The following DNMBP variants were observed in gnomAD, a reference collection of about 807,000 sequenced individuals.
DNMBP encodes dynamin-binding protein.
DNMBP carries 87 observed loss-of-function variants against 150.0 expected under a neutral mutation model. That is an observed-to-expected ratio of 0.58 (90% CI 0.49 to 0.69). DNMBP has a LOEUF of 0.69. Ranked by LOEUF, DNMBP falls within the 30% of genes least tolerant of loss-of-function variation. The pLI, the probability that DNMBP is intolerant of heterozygous loss-of-function variation, is 0.00. For missense variants in DNMBP, 1,774 were observed against 1,949.0 expected (o/e 0.91, Z 1.69); for synonymous variants, 711 against 750.4 (o/e 0.95, Z 0.86).
chr10:99,958,959 T>A (rs1030869577), intron 3 of DNMBP, among the ~76,000 whole-genome samples: 56 of 152,258 alleles, frequency 3.7e-4, no homozygotes, highest in African/African-American at 1.4e-3. Flanking sequence ...TGCAATTATT[T>A]GAAAAGACTA....
At chr10:99,916,562 G>A (rs1249869631) in intron 4 of DNMBP, among the ~76,000 whole-genome samples, 1 of 152,132 alleles carries the variant, frequency 6.6e-6, no homozygotes. Flanking sequence ...TGAAGGGAAA[G>A]GCCAATTTTA....
chr10:99,907,862 A>G, intron 6 of DNMBP, 133 bp downstream of exon 6: 1 of 634,954 alleles, frequency 1.6e-6, no homozygotes, highest in Non-Finnish European at 2.8e-6. Flanking sequence ...GCAGAGGACA[A>G]GTAACCTCTG....
intron 2 of DNMBP, 67 bp downstream of exon 2, chr10:99,971,913 T>C (rs2040681595): frequency 2.1e-6 from 3 of 1,462,220 alleles, no homozygotes; most frequent in South Asian, 2.5e-5. Context: ...TGGAGTGCAG[T>C]GCCAGCCTTT....
At chr10:99,902,303 C>CTTTTTTTTTTT (rs34120125) in intron 6 of DNMBP, among the ~76,000 whole-genome samples, 3 of 82,774 alleles carry the variant, frequency 3.6e-5, no homozygotes, top group Non-Finnish European at 6.9e-5. Context: ...AGCCTCCCTT[C>CTTTTTTTTTTT]TTTTTTTTTT....
In DNMBP at chr10:99,956,141, C is replaced by T. The variant is rs1308846092; in HGVS notation, c.1333G>A (p.Asp445Asn). 5 of 1,614,092 alleles carry T rather than the reference C, an allele frequency of 3.1e-6. No individual in the cohort carries two copies. The highest frequency in any genetic ancestry group is 4.2e-6 in the Non-Finnish European group (5 of 1,180,016). Residue 445 changes from aspartate (D) to asparagine (N), a missense_variant, in exon 4 of 17, where the codon GAC becomes AAC. Physicochemically the swap from Asp to Asn is conservative, Grantham distance 23. Coordinates refer to ENST00000324109, the MANE Select transcript of DNMBP (RefSeq NM_015221.4). ...GTCCTTGCTTCTAGGGGAAGAAGGT[C>T]GGGGTACTGTTCTGAGTGCGGGTGG... ...GSHPHSEQYP[D>N]LLPLEARTRD...
Position 99,879,802 on chromosome 10 carries a change from C to T in DNMBP, c.4548+9G>A, listed in dbSNP as rs557570390. On this transcript the variant is annotated intron_variant, in intron 16 of 16. Coordinates refer to ENST00000324109, the MANE Select transcript of DNMBP (RefSeq NM_015221.4). ...CTGTGCCACAGTGGCAGGCCTCTTA[C>T]GCACTCACCTGGTTGCCTTCTGCCT... The T allele has an allele frequency of 7.7e-5, 125 of 1,613,122 alleles. No homozygotes were observed. The highest frequency in any genetic ancestry group is 1.3e-4 in the South Asian group (12 of 90,960).
Position 99,956,151 on chromosome 10 carries a change from T to C in DNMBP, c.1323A>G (p.Glu441=). The stretch of plus-strand genomic sequence containing the variant: ...CTAGGGGAAGAAGGTCGGGGTACTG[T>C]TCTGAGTGCGGGTGGCTCCCTCCCA... ...STVGGSHPHS[E]QYPDLLPLEA... Residue 441 remains glutamate, a synonymous_variant, in exon 4 of 17, where the codon GAA becomes GAG. Coordinates refer to ENST00000324109, the MANE Select transcript of DNMBP (RefSeq NM_015221.4). 1 of 1,614,152 alleles carries C rather than the reference T, an allele frequency of 6.2e-7. No individual in the cohort carries two copies. Among genetic ancestry groups the C allele is most frequent in the Non-Finnish European group, 8.5e-7 (1 of 1,180,026 alleles).
intron 3 of DNMBP, among the ~76,000 whole-genome samples, chr10:99,966,631 G>C (rs138213820): frequency 4.6e-5 from 7 of 152,146 alleles, no homozygotes; most frequent in African/African-American, 1.7e-4. Flanking sequence ...GGACAGATAA[G>C]GTCCCTGCTA....
intron 1 of DNMBP, among the ~76,000 whole-genome samples, chr10:100,005,778 A>AAAAC (rs2041063237): frequency 3.1e-5 from 4 of 128,924 alleles, no homozygotes; most frequent in Non-Finnish European, 3.2e-5. Context: ...AAAAAAAAAA[A>AAAAC]AAAAAACCAA....
chr10:99,895,305 C>G (rs2039636903), intron 10 of DNMBP, among the ~76,000 whole-genome samples: 1 of 151,772 alleles, frequency 6.6e-6, no homozygotes, highest in Non-Finnish European at 1.5e-5. Context: ...TTTTGTATTA[C>G]TAGTAGAGAT....
chr10:99,944,122 G>A (rs1241586315), intron 4 of DNMBP, among the ~76,000 whole-genome samples: 2 of 152,168 alleles, frequency 1.3e-5, no homozygotes, highest in Admixed American at 6.6e-5. Context: ...TTCCGGAACT[G>A]ACCCACACCG....
At position 99,883,917 on chromosome 10, in the gene DNMBP, T is replaced by TG. The variant is rs2039409986; in HGVS notation, c.3997+93dup. ...TTTCCCCTTAATCAAAGATACTTTT[T>TG]GCTTTTTTTTCCTGGCCTAGTCCAG... On this transcript the variant is annotated intron_variant, in intron 15 of 16. Coordinates refer to ENST00000324109, the MANE Select transcript of DNMBP (RefSeq NM_015221.4). The TG allele has an allele frequency of 7.5e-6, 8 of 1,061,300 alleles. No individual in the cohort carries two copies. In the South Asian group the frequency reaches 8.9e-5, roughly 12 times the overall value. 65.7% of individuals were successfully genotyped at this position (1,061,300 alleles called of 1,614,324 possible).
chr10:99,886,032 G>A (rs2039454344), intron 13 of DNMBP, among the ~76,000 whole-genome samples, 166 bp from the exon 14 acceptor site: 1 of 152,220 alleles, frequency 6.6e-6, no homozygotes, highest in Non-Finnish European at 1.5e-5. Flanking sequence ...CGACACAGCA[G>A]CCTGATGCAA....
intron 4 of DNMBP, among the ~76,000 whole-genome samples, chr10:99,913,100 G>C (rs548522190): frequency 1.3e-5 from 2 of 152,216 alleles, no homozygotes; most frequent in African/African-American, 4.8e-5. Flanking sequence ...TTCAAGACCA[G>C]CCTGGGCAAT....
In DNMBP at chr10:99,894,972, G is replaced by A; in HGVS notation, c.3130C>T (p.Leu1044=). ...CGGATGTGCTGGAGGTAGAGAGACA[G>A]GTCTCGGATAAAAGACTTAATCAAT... ...ERLIKSFIRD[L]SLYLQHIRES... is the part of the protein sequence containing the mutation. The change falls in exon 11 of 17, where the codon CTG becomes TTG. Residue 1044 remains leucine (L), a synonymous_variant. Coordinates refer to ENST00000324109, the MANE Select transcript of DNMBP (RefSeq NM_015221.4). 2 of 1,613,944 alleles carry A rather than the reference G, an allele frequency of 1.2e-6. No homozygotes were observed. The highest frequency in any genetic ancestry group is 1.7e-6 in the Non-Finnish European group (2 of 1,179,872).
At chr10:99,944,322 A>C (rs1248962623) in intron 4 of DNMBP, among the ~76,000 whole-genome samples, 1 of 152,128 alleles carries the variant, frequency 6.6e-6, no homozygotes, top group Non-Finnish European at 1.5e-5. Flanking sequence ...ATATACACTG[A>C]ATAAAGAAAT....
intron 4 of DNMBP, among the ~76,000 whole-genome samples, chr10:99,923,574 T>C (rs1024741536): frequency 5.3e-5 from 8 of 152,082 alleles, no homozygotes; most frequent in African/African-American, 1.4e-4. Context: ...GTGATACAGC[T>C]ATGGAGGTGG....
intron 3 of DNMBP, among the ~76,000 whole-genome samples, chr10:99,960,475 A>C (rs1366220663): frequency 6.6e-6 from 1 of 152,186 alleles, no homozygotes; most frequent in Non-Finnish European, 1.5e-5. Context: ...AAACTGGGTT[A>C]TCTTTTATGC....
At position 99,955,588 on chromosome 10, in the gene DNMBP, TG is replaced by T; in HGVS notation, c.1885del (p.Gln629ArgfsTer3). 6.2e-7 allele frequency: 1 copy of T among 1,613,150 alleles called. No homozygotes were observed. Among genetic ancestry groups the T allele is most frequent in the South Asian group, 1.1e-5 (1 of 90,994 alleles). Reference protein sequence around the residue: ...VSTSPHLLVDQNLKPAPPLVV... With the variant: ...VSTSPHLLVDXNLKPAPPLVV... ...CAAGGGTGGTGCAGGTTTTAGGTTC[TG>T]GTCAACCAGCAAATGGGGAGAAGTG... On this transcript the variant is annotated frameshift_variant, in exon 4 of 17. Transcript: ENST00000324109. LOFTEE classifies it high-confidence loss of function.
Sources: gnomAD v4.1 joint callset for allele counts (sites outside exome capture counted in the v4.1 genomes callset) on GRCh38, gnomAD v4.1.1 for gene constraint, MANE v1.5 for transcripts, NCBI Gene and HGNC (gene_info 2026-07-23, HGNC 2026-07-21) for gene names.